Variants in LPCAT3 observed in about 807,000 individuals in gnomAD.
The protein encoded by LPCAT3 is lysophosphatidylcholine acyltransferase 3.
In LPCAT3, 21 loss-of-function variants were observed where a neutral mutation model predicts 63.4. The observed-to-expected ratio is 0.33, with a 90% CI of 0.23 to 0.48. The LOEUF (loss-of-function observed/expected upper bound fraction) is 0.48. Ranked by LOEUF, LPCAT3 falls within the 20% of genes least tolerant of loss-of-function variation. The pLI, the probability that LPCAT3 is intolerant of heterozygous loss-of-function variation, is 0.99. For synonymous variants in LPCAT3, 242 were observed against 227.5 expected, an observed-to-expected ratio of 1.06 and a Z score of -0.58; for missense variants, 451 against 590.6, an observed-to-expected ratio of 0.76 and a Z score of 2.45.
At position 6,978,523 on chromosome 12, in the gene LPCAT3, T is replaced by A. The variant is rs371533790; in HGVS notation, c.874-16A>T. The A allele has an allele frequency of 1.2e-6, 2 of 1,611,762 alleles. No homozygotes were observed. Among genetic ancestry groups the A allele is most frequent in the Non-Finnish European group, 1.7e-6 (2 of 1,178,322 alleles). ...ATACTCCTTCCTGAGAGGGAATAGC[T>A]CAGTTAGGGCTCTTGCCACTCCCCA... On this transcript the variant is annotated splice_polypyrimidine_tract_variant and intron_variant, in intron 8 of 12. Coordinates refer to ENST00000261407, the MANE Select transcript of LPCAT3 (RefSeq NM_005768.6).
rs1555153395 is a variant in LPCAT3 at position 6,977,381 on chromosome 12, C to T, written c.1333G>A (p.Asp445Asn). The T allele has an allele frequency of 3.1e-6, 5 of 1,614,148 alleles. No homozygotes were observed. The highest frequency in any genetic ancestry group is 4.2e-6 in the Non-Finnish European group (5 of 1,180,038). The change falls in exon 11 of 13, where the codon GAC (aspartate) becomes AAC (asparagine). Residue 445 changes from aspartate (D) to asparagine (N), a missense_variant. Physicochemically the swap from Asp to Asn is conservative, Grantham distance 23. This residue lies in a region of LPCAT3 where 304 missense variants were observed against 390.8 expected (regional missense o/e 0.78). Transcript: ENST00000261407. The surrounding 1 kb of genome is among the most constrained non-coding windows in gnomAD (Gnocchi z 4.5). ...CCTTCACTTGCCTTAAGCCATTTGTCCCACGTGAAGAGGCAGAAGGCAGTC... is the reference window on the plus strand; with the variant it reads ...CCTTCACTTGCCTTAAGCCATTTGTTCCACGTGAAGAGGCAGAAGGCAGTC... ...SMTAFCLFTW[D>N]KWLKVYKSIY...
chr12:7,000,850 G>C (rs1555156440), intron 1 of LPCAT3, among the ~76,000 whole-genome samples: 4 of 151,686 alleles, frequency 2.6e-5, no homozygotes, highest in Admixed American at 6.6e-5. Context: ...GGGACTACAG[G>C]TGCCCGCCAC....
chr12:6,997,588 T>C (rs1181096013), intron 1 of LPCAT3, among the ~76,000 whole-genome samples: 2 of 150,716 alleles, frequency 1.3e-5, no homozygotes, highest in East Asian at 2.0e-4. Context: ...TGATTTTCTT[T>C]TCTTTTTTTT....
intron 1 of LPCAT3, among the ~76,000 whole-genome samples, chr12:6,992,644 T>A (rs1048689102): frequency 7.2e-5 from 11 of 152,234 alleles, no homozygotes; most frequent in African/African-American, 2.4e-4. Flanking sequence ...AATGATTTGT[T>A]TTAATCTTTC....
At chr12:6,997,423 GTGTGTT>G (rs1946647056) in intron 1 of LPCAT3, 1 of 145,988 alleles carries the variant, frequency 6.8e-6, no homozygotes, top group African/African-American at 2.8e-5. Context: ...GTGTGTGTGT[GTGTGTT>G]TCAAGACACA....
In LPCAT3 at chr12:6,981,872, G is replaced by C. The variant is rs1465035961; in HGVS notation, c.399C>G (p.Ala133=). Residue 133 remains alanine, a synonymous_variant, in exon 4 of 13, where the codon GCC becomes GCG. Transcript: ENST00000261407. ...AYLLAGYYYT[A]TGNYDIKWTM... is the part of the protein sequence containing the mutation. Reference sequence around the variant, plus strand: ...TCCACTTGATATCGTAGTTGCCGGTGGCAGTGTAATAGTATCCAGCCAGAA... The same window carrying C: ...TCCACTTGATATCGTAGTTGCCGGTCGCAGTGTAATAGTATCCAGCCAGAA... The C allele has an allele frequency of 1.2e-6, 2 of 1,613,448 alleles. No individual in the cohort carries two copies. Among genetic ancestry groups the C allele is most frequent in the Admixed American group, 3.3e-5 (2 of 60,014 alleles).
intron 1 of LPCAT3, among the ~76,000 whole-genome samples, chr12:7,008,799 A>G (rs1313485330): frequency 2.0e-5 from 3 of 152,166 alleles, no homozygotes; most frequent in African/African-American, 7.2e-5. Flanking sequence ...CCTTCTTATC[A>G]AAAGTGTGAA....
chr12:7,015,054 G>C lies in LPCAT3; in HGVS notation c.151+3220C>G, dbSNP rs141769317. On this transcript the variant is annotated intron_variant, in intron 1 of 12. Transcript: ENST00000261407. The stretch of plus-strand genomic sequence containing the variant: ...TACGTGTATACACATACAAGTCTGT[G>C]TGTTCTGGGTCACAATGTAAAACAT... Among the ~76,000 whole-genome samples, 234 of 152,288 alleles carry C rather than the reference G, an allele frequency of 1.5e-3. 2 individuals carry two copies. Among genetic ancestry groups the C allele is most frequent in the African/African-American group, 5.5e-3 (227 of 41,562 alleles).
chr12:7,000,636 G>A (rs1157575758), intron 1 of LPCAT3, among the ~76,000 whole-genome samples: 14 of 149,586 alleles, frequency 9.4e-5, no homozygotes, highest in African/African-American at 3.5e-4. Context: ...TAGCATACAT[G>A]TACTTCCTTC....
chr12:6,977,227 G>T lies in LPCAT3; in HGVS notation c.1383C>A (p.Phe461Leu). ...YKSIYFLGHIFFLSLLFILPY... is the reference protein window; with the variant it reads ...YKSIYFLGHILFLSLLFILPY... ...GCAATATGAATAGTAGGCTCAGGAA[G>T]AAGATGTGGCCAAGGAAATAGATGG... Residue 461 changes from phenylalanine to leucine, a missense_variant, in exon 12 of 13, where the codon TTC (phenylalanine) becomes TTA (leucine). Physicochemically the swap from Phe to Leu is conservative, Grantham distance 22. Transcript: ENST00000261407. This position sits in a 1 kb window ranked among gnomAD's most constrained non-coding sequence, Gnocchi z 4.5. 1 of 1,614,050 alleles carries T rather than the reference G, an allele frequency of 6.2e-7. No individual in the cohort carries two copies. The highest frequency in any genetic ancestry group is 1.3e-5 in the African/African-American group (1 of 75,044).
intron 1 of LPCAT3, among the ~76,000 whole-genome samples, chr12:7,016,277 A>ATTTT (rs35468304): frequency 7.5e-6 from 1 of 133,576 alleles, no homozygotes; most frequent in Non-Finnish European, 1.6e-5. Context: ...TTTTTTATTA[A>ATTTT]TTTTTTTTTT....
intron 1 of LPCAT3, among the ~76,000 whole-genome samples, chr12:7,005,022 G>A (rs1946716614): frequency 6.6e-6 from 1 of 152,022 alleles, no homozygotes; most frequent in Non-Finnish European, 1.5e-5. Flanking sequence ...ACTATCTAAT[G>A]CCAGAACATT....
chr12:7,014,656 G>T (rs1946785697), intron 1 of LPCAT3, among the ~76,000 whole-genome samples: 1 of 151,946 alleles, frequency 6.6e-6, no homozygotes, highest in Admixed American at 6.6e-5. Flanking sequence ...CAGCACTTTG[G>T]GAGGCCGAGG....
intron 6 of LPCAT3, chr12:6,980,771 C>T (rs1410069363): frequency 5.5e-6 from 2 of 364,940 alleles, no homozygotes; most frequent in East Asian, 8.3e-5. Context: ...AGGCAAAATC[C>T]TGTGGCATAA....
chr12:6,994,877 C>T (rs1555155878), intron 1 of LPCAT3, among the ~76,000 whole-genome samples: 1 of 152,108 alleles, frequency 6.6e-6, no homozygotes, highest in African/African-American at 2.4e-5. Context: ...TGTTGCTGAC[C>T]CCCAGGATCC....
At chr12:6,988,786 C>T (rs1361270299) in intron 1 of LPCAT3, among the ~76,000 whole-genome samples, 1 of 152,114 alleles carries the variant, frequency 6.6e-6, no homozygotes, top group Non-Finnish European at 1.5e-5. Context: ...GGGTTGATGC[C>T]TTACCTTTAT....
intron 1 of LPCAT3, among the ~76,000 whole-genome samples, chr12:7,003,571 G>A (rs1157984114): frequency 6.6e-6 from 1 of 152,062 alleles, no homozygotes; most frequent in East Asian, 1.9e-4. Context: ...AGTTTCATAA[G>A]CCATTTTTCC....
chr12:7,002,292 C>T (rs1199315017), intron 1 of LPCAT3, among the ~76,000 whole-genome samples: 2 of 152,206 alleles, frequency 1.3e-5, no homozygotes, highest in African/African-American at 4.8e-5. Flanking sequence ...GGTTCTCTCT[C>T]AAGTCCAACC....
chr12:7,008,950 A>G (rs1555157049), intron 1 of LPCAT3, among the ~76,000 whole-genome samples: 1 of 152,242 alleles, frequency 6.6e-6, no homozygotes, highest in Non-Finnish European at 1.5e-5. Context: ...GCAGAACTGA[A>G]TGTGACTTTA....
Sources: allele counts gnomAD v4.1 joint callset (sites outside exome capture counted in the v4.1 genomes callset), GRCh38; gene constraint gnomAD v4.1.1; regional missense constraint gnomAD v4.1.1; non-coding constraint Gnocchi (gnomAD v3.1); transcripts MANE v1.5; gene names NCBI Gene and HGNC (gene_info 2026-07-23, HGNC 2026-07-21).